Variants in SIK3 observed in about 807,000 individuals in gnomAD.
SIK3 encodes the protein SIK family kinase 3, also known as serine/threonine-protein kinase SIK3.
SIK3 carries 28 observed loss-of-function variants against 144.2 expected under a neutral mutation model. That is an observed-to-expected ratio of 0.19 (90% confidence interval 0.14 to 0.27). SIK3 has a LOEUF of 0.27. Ranked by LOEUF, SIK3 falls within the 10% of genes least tolerant of loss-of-function variation. The pLI is 1.00. For synonymous variants in SIK3, 686 were observed against 676.3 expected (o/e 1.01, Z -0.22); for missense variants, 1,319 against 1,776.0 (o/e 0.74, Z 4.62).
intron 1 of SIK3, among the ~76,000 whole-genome samples, chr11:116,971,526 A>G (rs550509124): frequency 6.6e-6 from 1 of 152,346 alleles, no homozygotes; most frequent in South Asian, 2.1e-4. Context: ...TGAGCACCTA[A>G]TATGTCCCAA....
chr11:116,916,020 A>T (rs1205713170), intron 4 of SIK3, among the ~76,000 whole-genome samples: 3 of 152,254 alleles, frequency 2.0e-5, no homozygotes, highest in Non-Finnish European at 4.4e-5. Context: ...CCATTTAAGA[A>T]GGGCGGAAAG....
rs752571811 is a variant in SIK3, at chr11:116,861,838, T to C, written c.2315+3A>G. 2 of 1,604,680 alleles carry C rather than the reference T, an allele frequency of 1.2e-6. No individual in the cohort carries two copies. Among genetic ancestry groups the C allele is most frequent in the South Asian group, 1.1e-5 (1 of 89,972 alleles). On this transcript the variant is annotated splice_donor_region_variant and intron_variant, in intron 18 of 24. Coordinates refer to ENST00000445177, the MANE Select transcript of SIK3 (RefSeq NM_001366686.3). ...CTTAGGCACAACACAAAATGACTCA[T>C]ACCTCTGGAGCTGATGGGTAAGGAG... is the stretch of plus-strand genomic sequence containing the variant.
intron 1 of SIK3, among the ~76,000 whole-genome samples, chr11:117,065,413 G>T (rs963826765): frequency 6.6e-6 from 1 of 151,788 alleles, no homozygotes; most frequent in African/African-American, 2.4e-5. Context: ...TAAAAGAAAT[G>T]AATTTTTCAT....
intron 6 of SIK3, among the ~76,000 whole-genome samples, chr11:116,878,175 C>A (rs937169044): frequency 1.9e-4 from 29 of 152,064 alleles, no homozygotes; most frequent in African/African-American, 7.0e-4. Context: ...TTCTGACTTA[C>A]ACGCTGCAAA....
At chr11:117,077,027 G>T (rs181917394) in intron 1 of SIK3, among the ~76,000 whole-genome samples, 12 of 152,252 alleles carry the variant, frequency 7.9e-5, no homozygotes, top group Non-Finnish European at 1.3e-4. Flanking sequence ...GCAATGGTGT[G>T]TGTCTGTAGT....
At chr11:116,977,235 C>T (rs1474623474) in intron 1 of SIK3, among the ~76,000 whole-genome samples, 2 of 144,612 alleles carry the variant, frequency 1.4e-5, no homozygotes, top group East Asian at 2.2e-4. Flanking sequence ...TCCCTCCCTC[C>T]CTCCCTCCCT....
At chr11:116,947,264 A>T (rs79286504) in intron 3 of SIK3, among the ~76,000 whole-genome samples, 6,183 of 126,236 alleles carry the variant, frequency 0.049, 449 homozygotes, top group African/African-American at 0.14. Context: ...TTTATATATT[A>T]TATATATATA....
chr11:116,863,764 A>G lies in SIK3; in HGVS notation c.2007T>C (p.Pro669=). Residue 669 remains proline (P), a synonymous_variant, in exon 16 of 25, where the codon CCT becomes CCC. Transcript: ENST00000445177. ...TLHLPTERFS[P]VRRFSDGAAS... ...CAGCCCCATCTGAGAACCGGCGCAC[A>G]GGGGAGAAACGCTCCGTAGGGAGGT... 1.2e-6 allele frequency: 2 copies of G among 1,614,176 alleles called. No individual in the cohort carries two copies. Among genetic ancestry groups the G allele is most frequent in the Non-Finnish European group, 1.7e-6 (2 of 1,180,024 alleles).
intron 3 of SIK3, among the ~76,000 whole-genome samples, chr11:116,933,539 T>G (rs1947739571): frequency 6.6e-6 from 1 of 152,252 alleles, no homozygotes; most frequent in Admixed American, 6.5e-5. Flanking sequence ...TTGTTTCCAG[T>G]TCTTAGCTAT....
chr11:116,957,252 G>GTCT (rs1949172746), intron 1 of SIK3, among the ~76,000 whole-genome samples, 188 bp from the exon 2 acceptor site: 1 of 152,064 alleles, frequency 6.6e-6, no homozygotes, highest in Admixed American at 6.5e-5. Context: ...TAGCAAGTTG[G>GTCT]TCTCAAAGGA....
intron 6 of SIK3, among the ~76,000 whole-genome samples, chr11:116,890,593 T>C (rs1945047338): frequency 6.6e-6 from 1 of 152,208 alleles, no homozygotes; most frequent in Non-Finnish European, 1.5e-5. Flanking sequence ...GTGGAAGACA[T>C]ACAATGAAAG....
chr11:116,861,217 A>G, intron 19 of SIK3, 57 bp downstream of exon 19: 2 of 1,314,454 alleles, frequency 1.5e-6, no homozygotes, highest in East Asian at 4.7e-5. Flanking sequence ...AACTGAGACC[A>G]TCATTTTTTC....
intron 1 of SIK3, among the ~76,000 whole-genome samples, chr11:117,070,676 C>T (rs1954227219): frequency 6.6e-6 from 1 of 151,856 alleles, no homozygotes. Context: ...GAACTCCTGA[C>T]CTCAGGTGAT....
chr11:117,066,429 C>T (rs1281734736), intron 1 of SIK3, among the ~76,000 whole-genome samples: 2 of 144,876 alleles, frequency 1.4e-5, no homozygotes. Flanking sequence ...GCCATGGAAT[C>T]GGAAAAAAAA....
At chr11:116,967,014 AGAAAAAGAAAAAG>A (rs1210074157) in intron 1 of SIK3, among the ~76,000 whole-genome samples, 1 of 139,754 alleles carries the variant, frequency 7.2e-6, no homozygotes, top group Non-Finnish European at 1.5e-5. Context: ...AAAAAAAAAA[AGAAAAAGAAAAAG>A]AAAAAGAAAA....
In SIK3 at chr11:116,947,656, C is replaced by T. The variant is rs1948738736; in HGVS notation, c.454+6388G>A. Among the ~76,000 whole-genome samples the T allele has an allele frequency of 2.6e-5, 4 of 151,268 alleles. No homozygotes were observed. In the South Asian group the frequency reaches 6.2e-4, roughly 24 times the overall value. On this transcript the variant is annotated intron_variant, in intron 3 of 24. Transcript: ENST00000445177. ...TCTCGGCTCACTGCAAGTTCCGCCT[C>T]CCAGGTTCACGCCATTCTCCTGCCT...
chr11:116,857,519 G>A (rs1443593546), intron 21 of SIK3: 1 of 393,188 alleles, frequency 2.5e-6, no homozygotes, highest in African/African-American at 2.0e-5. Flanking sequence ...TAGCTGTTTG[G>A]ATGGCAGTCA....
intron 1 of SIK3, among the ~76,000 whole-genome samples, chr11:117,045,701 C>G (rs2135881050): frequency 6.6e-6 from 1 of 152,264 alleles, no homozygotes; most frequent in Admixed American, 6.5e-5. Flanking sequence ...TTACGACAAG[C>G]CATATAACAG....
At chr11:117,081,502 T>TA (rs1954784648) in intron 1 of SIK3, among the ~76,000 whole-genome samples, 1 of 152,116 alleles carries the variant, frequency 6.6e-6, no homozygotes, top group African/African-American at 2.4e-5. Context: ...CAGGTACCTG[T>TA]AGTCCCAGCT....
Sources: allele counts gnomAD v4.1 joint callset (sites outside exome capture counted in the v4.1 genomes callset), GRCh38; gene constraint gnomAD v4.1.1; transcripts MANE v1.5; gene names NCBI Gene and HGNC (gene_info 2026-07-23, HGNC 2026-07-21).